LIPH: variants seen among roughly 807,000 people sequenced by gnomAD.
LIPH encodes lipase H.
LIPH carries 32 observed loss-of-function variants against 47.6 expected under a neutral mutation model. That is an observed-to-expected ratio of 0.67 (90% CI 0.51 to 0.90). The LOEUF is 0.90. LIPH is among the 40% of genes least tolerant of loss of function. LIPH has a pLI of 0.00. For synonymous variants in LIPH, 190 were observed against 195.6 expected, an observed-to-expected ratio of 0.97 and a Z score of 0.24; for missense variants, 497 against 541.4, an observed-to-expected ratio of 0.92 and a Z score of 0.81.
chr3:185,548,808 A>G (rs576174295), intron 1 of LIPH, among the ~76,000 whole-genome samples: 1 of 152,162 alleles, frequency 6.6e-6, no homozygotes, highest in East Asian at 1.9e-4. Flanking sequence ...AGGCTGTGAA[A>G]GGATTACAGT....
chr3:185,508,545 C>G lies in LIPH; in HGVS notation c.*245G>C. On this transcript the variant is annotated 3_prime_UTR_variant, in exon 10 of 10. Transcript: ENST00000296252. ...AAGGGAGGCCCCAGGACACAGCAGA[C>G]ACAGCGCTGCGCTGCTGCGAGCCTG... is the stretch of plus-strand genomic sequence containing the variant. 1.9e-6 allele frequency: 1 copy of G among 512,866 alleles called. No individual in the cohort carries two copies. The highest frequency in any genetic ancestry group is 3.5e-6 in the Non-Finnish European group (1 of 283,484). 31.8% of individuals were successfully genotyped at this position (512,866 alleles called of 1,614,324 possible).
chr3:185,533,512 A>T, intron 3 of LIPH, 59 bp downstream of exon 3: 1 of 1,092,086 alleles, frequency 9.2e-7, no homozygotes, highest in Non-Finnish European at 1.4e-6. Flanking sequence ...CCTACATAAT[A>T]CTCCCCCAGT....
intron 3 of LIPH, among the ~76,000 whole-genome samples, chr3:185,530,677 C>A (rs965175024): frequency 1.3e-5 from 2 of 151,600 alleles, no homozygotes; most frequent in African/African-American, 4.8e-5. Context: ...CTCAAAAAAA[C>A]AAAAATAAAT....
At chr3:185,518,251 GCTTTT>G (rs558248919) in intron 6 of LIPH, among the ~76,000 whole-genome samples, 224 of 152,164 alleles carry the variant, frequency 1.5e-3, no homozygotes, top group African/African-American at 5.1e-3. Context: ...CTCTACAGTT[GCTTTT>G]CTTTTCTTTT....
At chr3:185,538,914 TATACACATATAC>T (rs1235615734) in intron 1 of LIPH, among the ~76,000 whole-genome samples, 5 of 146,338 alleles carry the variant, frequency 3.4e-5, no homozygotes, top group South Asian at 2.1e-4. Context: ...TATACACATA[TATACACATATAC>T]ACATATATAC....
intron 9 of LIPH, 146 bp from the exon 10 acceptor site, chr3:185,509,023 C>T: frequency 4.6e-6 from 3 of 658,164 alleles, no homozygotes; most frequent in Non-Finnish European, 8.2e-6. Flanking sequence ...CACGGTGACT[C>T]ATGCCTGTAA....
chr3:185,529,784 G>A (rs565838046), intron 3 of LIPH, among the ~76,000 whole-genome samples: 7 of 151,382 alleles, frequency 4.6e-5, no homozygotes, highest in African/African-American at 1.7e-4. Context: ...TAGCTACTCC[G>A]GAGACTGAGA....
At chr3:185,537,892 T>G (rs1319313575) in intron 1 of LIPH, among the ~76,000 whole-genome samples, 1 of 152,160 alleles carries the variant, frequency 6.6e-6, no homozygotes, top group Admixed American at 6.5e-5. Flanking sequence ...ATGCAACCTC[T>G]TCCTCCTGGG....
At position 185,535,130 on chromosome 3, in the gene LIPH, C is replaced by T. The variant is rs374807100; in HGVS notation, c.52G>A (p.Ala18Thr). Residue 18 changes from alanine (A) to threonine (T), a missense_variant and splice_region_variant, in exon 2 of 10, where the codon GCA becomes ACA. Transcript: ENST00000296252. ...GTGAATGAAGGACATGTTTCTTCTG[C>T]GTCTGAAAATAAAAATTAGATGGCA... The part of the protein sequence containing the change: ...ISLLCLSRSD[A>T]EETCPSFTRL... 3.5e-5 allele frequency: 56 copies of T among 1,613,948 alleles called. No homozygotes were observed. The East Asian group carries it at 6.2e-4, about 18-fold the overall frequency.
intron 4 of LIPH, among the ~76,000 whole-genome samples, chr3:185,525,335 C>CATACATATGCACATGTAT (rs1720035174): frequency 6.6e-6 from 1 of 152,020 alleles, no homozygotes; most frequent in Admixed American, 6.6e-5. Context: ...TGTAGGTGTA[C>CATACATATGCACATGTAT]ATACATATGC....
intron 3 of LIPH, among the ~76,000 whole-genome samples, chr3:185,530,248 G>A (rs1032099815): frequency 2.6e-5 from 4 of 152,064 alleles, no homozygotes; most frequent in African/African-American, 9.7e-5. Flanking sequence ...GGAGGCTGAG[G>A]TGGTTGGATC....
Position 185,508,830 on chromosome 3 carries a change from G to C in LIPH, c.1316C>G (p.Thr439Arg). 6.2e-7 allele frequency: 1 copy of C among 1,613,976 alleles called. No individual in the cohort carries two copies. The highest frequency in any genetic ancestry group is 1.7e-4 in the Middle Eastern group (1 of 6,060). The change falls in exon 10 of 10, where the codon ACA (threonine) becomes AGA (arginine). Residue 439 changes from threonine to arginine, a missense_variant. Transcript: ENST00000296252. ...YDLVLMENVE[T>R]VFQPILCPEL... The stretch of plus-strand genomic sequence containing the variant: ...TGGGCAAAGAATAGGTTGGAAGACT[G>C]TTTCAACGTTTTCCATCAGGACAAG...
intron 1 of LIPH, among the ~76,000 whole-genome samples, chr3:185,538,470 T>C (rs142043738): frequency 2.6e-5 from 4 of 152,292 alleles, no homozygotes; most frequent in African/African-American, 9.6e-5. Context: ...CTTCTTTCTC[T>C]TGCATCATCT....
At chr3:185,512,580 C>G (rs931812241) in intron 8 of LIPH, among the ~76,000 whole-genome samples, 9 of 149,522 alleles carry the variant, frequency 6.0e-5, no homozygotes, top group African/African-American at 2.0e-4. Flanking sequence ...CCTCTGCCTC[C>G]TGGGTTCAAG....
At chr3:185,538,750 T>C (rs1246916308) in intron 1 of LIPH, among the ~76,000 whole-genome samples, 1 of 4,822 alleles carries the variant, frequency 2.1e-4, no homozygotes, top group African/African-American at 3.7e-4. Flanking sequence ...TATATGTACA[T>C]ATATATACAT....
chr3:185,533,420 G>C, intron 3 of LIPH, 151 bp downstream of exon 3: 2 of 695,302 alleles, frequency 2.9e-6, no homozygotes, highest in South Asian at 3.1e-5. Flanking sequence ...ATATTATTTT[G>C]ATCTTCCTTT....
At chr3:185,515,346 G>A (rs1409257175) in intron 7 of LIPH, among the ~76,000 whole-genome samples, 1 of 151,940 alleles carries the variant, frequency 6.6e-6, no homozygotes, top group Non-Finnish European at 1.5e-5. Context: ...GCTACAACAG[G>A]AACTAATCAG....
intron 8 of LIPH, 32 bp from the exon 9 acceptor site, chr3:185,511,729 T>TA: frequency 1.3e-6 from 2 of 1,499,036 alleles, no homozygotes; most frequent in South Asian, 2.2e-5. Context: ...GAAAAATGGA[T>TA]AAAGACTACT....
chr3:185,508,382 G>A lies in LIPH; in HGVS notation c.*408C>T, dbSNP rs1403806055. 4.5e-6 allele frequency: 1 copy of A among 223,872 alleles called. No individual in the cohort carries two copies. The highest frequency in any genetic ancestry group is 9.0e-6 in the Non-Finnish European group (1 of 110,970). The allele number at this position is 223,872 out of a possible 1,614,324, so 13.9% of individuals were successfully genotyped here. On this transcript the variant is annotated 3_prime_UTR_variant, in exon 10 of 10. Coordinates refer to ENST00000296252, the MANE Select transcript of LIPH (RefSeq NM_139248.3). ...CGTTCCCTTCTACGTGTGGGAACTG[G>A]AGGAATGTGGCACGGAGAATGCAGA...
Sources: gnomAD v4.1 joint callset for allele counts (sites outside exome capture counted in the v4.1 genomes callset) on GRCh38, gnomAD v4.1.1 for gene constraint, MANE v1.5 for transcripts, NCBI Gene and HGNC (gene_info 2026-07-23, HGNC 2026-07-21) for gene names.